Variants in ANO1 observed in about 807,000 individuals in gnomAD.
ANO1 encodes the protein anoctamin-1.
In ANO1, 59 loss-of-function variants were observed where a neutral mutation model predicts 124.0. That is an observed-to-expected ratio of 0.48 (90% CI 0.39 to 0.59). ANO1 has a LOEUF of 0.59. Among genes scored for constraint, ANO1 ranks in the 20% least tolerant of loss-of-function variants. The probability of loss-of-function intolerance (pLI) is 0.00; values close to 1 mark genes in which losing one functional copy is unlikely to be tolerated. For missense variants in ANO1, 1,059 were observed against 1,328.0 expected (o/e 0.80, Z 3.15); for synonymous variants, 529 against 532.0 (o/e 0.99, Z 0.08).
At chr11:70,071,987 G>A (rs948750948) in intron 1 of ANO1, among the ~76,000 whole-genome samples, 2 of 152,238 alleles carry the variant, frequency 1.3e-5, no homozygotes, top group Admixed American at 1.3e-4. Flanking sequence ...ACATAACATA[G>A]ATTATTGATT....
At chr11:70,080,919 C>T (rs1726455386) in intron 1 of ANO1, among the ~76,000 whole-genome samples, 1 of 152,204 alleles carries the variant, frequency 6.6e-6, no homozygotes, top group South Asian at 2.1e-4. Flanking sequence ...AGGGCATCCC[C>T]GGCACCACTC....
At chr11:70,074,522 T>G (rs782224169), upstream of ANO1, among the ~76,000 whole-genome samples, 1 of 152,118 alleles carries the variant, frequency 6.6e-6, no homozygotes, top group Non-Finnish European at 1.5e-5. Context: ...CCTAGTTTGC[T>G]CTCCTGCCTG....
chr11:70,048,227 G>A (rs1857290858), intron 1 of ANO1, among the ~76,000 whole-genome samples: 1 of 152,164 alleles, frequency 6.6e-6, no homozygotes, highest in African/African-American at 2.4e-5. Context: ...GGTTGAACTG[G>A]TGGATTTGAA....
intron 1 of ANO1, among the ~76,000 whole-genome samples, chr11:70,034,117 C>A (rs181715662): frequency 2.0e-4 from 30 of 152,214 alleles, no homozygotes; most frequent in Admixed American, 9.2e-4. Context: ...CGCATGGAGC[C>A]CCACCCATTA....
At chr11:70,181,043 C>T (rs2048910003) in intron 23 of ANO1, among the ~76,000 whole-genome samples, 2 of 152,198 alleles carry the variant, frequency 1.3e-5, no homozygotes, top group Admixed American at 1.3e-4. Flanking sequence ...CCTGGATCTC[C>T]CCGGGTTTAG....
At chr11:70,173,115 C>A (rs1305269765) in intron 22 of ANO1, among the ~76,000 whole-genome samples, 1 of 152,168 alleles carries the variant, frequency 6.6e-6, no homozygotes, top group Non-Finnish European at 1.5e-5. Flanking sequence ...AACTTCAACT[C>A]TGGCTTCTCT....
At chr11:70,012,641 A>G (rs1212764863) in intron 1 of ANO1, among the ~76,000 whole-genome samples, 1 of 148,834 alleles carries the variant, frequency 6.7e-6, no homozygotes, top group Non-Finnish European at 1.5e-5. Context: ...CCATCCATCC[A>G]TTGTTCCATC....
chr11:70,125,423 G>T, intron 9 of ANO1, among the ~76,000 whole-genome samples: 1 of 151,486 alleles, frequency 6.6e-6, no homozygotes, highest in African/African-American at 2.4e-5. Context: ...GGCTGAGGCA[G>T]GAGAATCGCT....
In ANO1 at chr11:70,010,179, G is replaced by GTATGTGTGTATATATATATATATA. The variant is rs1188271051; in HGVS notation, c.58+24016_58+24017insGTGTGTATATATATATATATATAT. ...TGTGTGTGTGTGCGCGTGTGTGTGT[G>GTATGTGTGTATATATATATATATA]TATATATATATATATATATCACATT... On this transcript the variant is annotated intron_variant, in intron 1 of 27. Transcript: ENST00000531349. 4.5e-4 allele frequency among the ~76,000 whole-genome samples: 38 copies of GTATGTGTGTATATATATATATATA among 83,806 alleles called. 2 individuals are homozygous for GTATGTGTGTATATATATATATATA. Among genetic ancestry groups the GTATGTGTGTATATATATATATATA allele is most frequent in the African/African-American group, 1.7e-3 (36 of 21,328 alleles). 55.0% of individuals were successfully genotyped at this position (83,806 alleles called of 152,430 possible). A position where few individuals can be genotyped will look rare whatever the true frequency, so the allele number is the denominator to read the frequency against.
intron 21 of ANO1, chr11:70,170,157 C>T: frequency 2.2e-6 from 1 of 456,288 alleles, no homozygotes; most frequent in Non-Finnish European, 4.4e-6. Context: ...CTGGAAGATT[C>T]AGCCATGCAG....
chr11:69,981,461 A>G (rs1554996206), upstream of ANO1, among the ~76,000 whole-genome samples: 1 of 152,246 alleles, frequency 6.6e-6, no homozygotes, highest in Non-Finnish European at 1.5e-5. Flanking sequence ...TGTTAAATAA[A>G]CAGACTTGCC....
chr11:70,120,340 A>C (rs948538048), intron 8 of ANO1, among the ~76,000 whole-genome samples: 8 of 152,008 alleles, frequency 5.3e-5, no homozygotes, highest in Non-Finnish European at 1.2e-4. Flanking sequence ...ACAGAACTGA[A>C]CCCCAGGTGA....
intron 2 of ANO1, among the ~76,000 whole-genome samples, chr11:70,096,989 C>T (rs149048743): frequency 7.1e-4 from 108 of 152,202 alleles, no homozygotes; most frequent in African/African-American, 2.4e-3. Context: ...GGTTGGGGAC[C>T]GCTGTTTCAG....
At position 70,125,218 on chromosome 11, in the gene ANO1, C is replaced by T. The variant is rs540679787; in HGVS notation, c.962+804C>T. ...GTTAGCTGGCAGTGATGGTGCATGCCTATAGTCCCAGCTACTAGGGAGGCT... is the reference window on the plus strand; with the variant it reads ...GTTAGCTGGCAGTGATGGTGCATGCTTATAGTCCCAGCTACTAGGGAGGCT... On this transcript the variant is annotated intron_variant, in intron 9 of 25. Coordinates refer to ENST00000355303, the MANE Select transcript of ANO1 (RefSeq NM_018043.7). Among the ~76,000 whole-genome samples, 4 of 152,304 alleles carry T rather than the reference C, an allele frequency of 2.6e-5. No homozygotes were observed. In the East Asian group the frequency reaches 7.7e-4, roughly 29 times the overall value.
At chr11:70,030,319 G>A (rs1228452740) in intron 1 of ANO1, among the ~76,000 whole-genome samples, 2 of 152,242 alleles carry the variant, frequency 1.3e-5, no homozygotes, top group African/African-American at 2.4e-5. Context: ...CAAAGGTATC[G>A]GGTTCTCCCT....
chr11:70,076,441 T>G (rs571589992), upstream of ANO1, among the ~76,000 whole-genome samples: 1 of 151,922 alleles, frequency 6.6e-6, no homozygotes, highest in African/African-American at 2.4e-5. Flanking sequence ...CTCTTTTTTT[T>G]TTTTCATGCA....
At chr11:70,075,914 C>G (rs1012994736), upstream of ANO1, among the ~76,000 whole-genome samples, 1 of 152,206 alleles carries the variant, frequency 6.6e-6, no homozygotes. Context: ...TCTTTTCCCG[C>G]TCCTATTTTG....
At chr11:70,058,554 T>C (rs1555007223) in intron 1 of ANO1, among the ~76,000 whole-genome samples, 2 of 152,138 alleles carry the variant, frequency 1.3e-5, no homozygotes, top group African/African-American at 4.8e-5. Context: ...CCTGGTGAAT[T>C]TTCTGTCTAG....
At chr11:70,136,853 A>G (rs1196940049) in intron 11 of ANO1, among the ~76,000 whole-genome samples, 1 of 147,500 alleles carries the variant, frequency 6.8e-6, no homozygotes, top group African/African-American at 2.4e-5. Context: ...AAGGCGTTCG[A>G]TTTTCCAGAG....
Sources: gnomAD v4.1 joint callset for allele counts (sites outside exome capture counted in the v4.1 genomes callset) on GRCh38, gnomAD v4.1.1 for gene constraint, MANE v1.5 for transcripts, NCBI Gene and HGNC (gene_info 2026-07-23, HGNC 2026-07-21) for gene names.